The following ADGRL3 variants were observed in gnomAD, a reference collection of about 807,000 sequenced individuals.
ADGRL3 encodes adhesion G protein-coupled receptor L3, also known as calcium-independent alpha-latrotoxin receptor 3.
A neutral mutation model predicts 153.5 loss-of-function variants in ADGRL3; 62 were observed. The observed-to-expected ratio is 0.40, with a 90% CI of 0.33 to 0.50. The LOEUF is 0.50. Among genes scored for constraint, ADGRL3 ranks in the 20% least tolerant of loss-of-function variants. The pLI is 0.47. For synonymous variants in ADGRL3, 710 were observed against 672.5 expected (o/e 1.06, Z -0.86); for missense variants, 1,641 against 1,859.4 (o/e 0.88, Z 2.16).
chr4:61,892,655 G>A lies in ADGRL3; in HGVS notation c.1481-1G>A. The A allele has an allele frequency of 6.2e-7, 1 of 1,612,820 alleles. No individual in the cohort carries two copies. The highest frequency in any genetic ancestry group is 8.5e-7 in the Non-Finnish European group (1 of 1,179,006). On this transcript the variant is annotated splice_acceptor_variant, in intron 9 of 26. Coordinates refer to ENST00000683033, the MANE Select transcript of ADGRL3 (RefSeq NM_001387552.1). LOFTEE classifies it high-confidence loss of function. ...GTGTTTTCTTTCTAATTTTATTTCA[G>A]ATATCTCTACCACAGGACCTCTTGG...
intron 4 of ADGRL3, among the ~76,000 whole-genome samples, chr4:61,533,047 A>G (rs2098633333): frequency 6.6e-6 from 1 of 152,176 alleles, no homozygotes; most frequent in South Asian, 2.1e-4. Flanking sequence ...ACATTCTGAA[A>G]GCAGCCTTAA....
chr4:61,840,633 A>G (rs2098016138), intron 9 of ADGRL3, among the ~76,000 whole-genome samples: 1 of 152,104 alleles, frequency 6.6e-6, no homozygotes, highest in Admixed American at 6.6e-5. Flanking sequence ...GGGAGGTTAT[A>G]ATAAATGTAT....
intron 9 of ADGRL3, among the ~76,000 whole-genome samples, chr4:61,846,317 TA>T (rs879823030): frequency 0.012 from 1,722 of 141,998 alleles, 23 homozygotes; most frequent in African/African-American, 0.035. Flanking sequence ...ACCCTGTCTC[TA>T]AAAAAAAAAA....
In ADGRL3 at chr4:61,566,094, C is replaced by A. The variant is rs187262242; in HGVS notation, c.260-21133C>A. Among the ~76,000 whole-genome samples, 45 of 152,244 alleles carry A rather than the reference C, an allele frequency of 3.0e-4. 1 individual carries two copies. The highest frequency in any genetic ancestry group is 1.1e-3 in the African/African-American group (45 of 41,556). ...GGAGTTTATTAGTTTGCTAGAGCCA[C>A]CTTAACAAAGAACCGTAAACTGGGT... is the stretch of plus-strand genomic sequence containing the variant. On this transcript the variant is annotated intron_variant, in intron 4 of 26. Transcript: ENST00000683033.
intron 17 of ADGRL3, among the ~76,000 whole-genome samples, chr4:61,976,014 G>A (rs2099046695): frequency 1.3e-5 from 2 of 152,036 alleles, no homozygotes; most frequent in South Asian, 4.2e-4. Flanking sequence ...ACATGAGAGG[G>A]TCCAGCTCTA....
chr4:61,875,051 A>G (rs1040818521), intron 9 of ADGRL3, among the ~76,000 whole-genome samples: 1 of 147,322 alleles, frequency 6.8e-6, no homozygotes, highest in South Asian at 2.2e-4. Flanking sequence ...CTCATGATCC[A>G]CCCGCCTCGG....
intron 4 of ADGRL3, among the ~76,000 whole-genome samples, chr4:61,528,001 T>G (rs558568531): frequency 3.3e-5 from 5 of 152,228 alleles, no homozygotes; most frequent in Admixed American, 3.3e-4. Flanking sequence ...CCAGTCATCT[T>G]TTAGTTCTTG....
intron 6 of ADGRL3, among the ~76,000 whole-genome samples, chr4:61,687,487 T>C (rs929929838): frequency 2.6e-5 from 4 of 152,024 alleles, no homozygotes; most frequent in African/African-American, 9.7e-5. Context: ...AAATAAAGAT[T>C]ATTGTATATT....
chr4:61,889,904 A>G (rs181592437), intron 9 of ADGRL3, among the ~76,000 whole-genome samples: 2 of 152,330 alleles, frequency 1.3e-5, no homozygotes, highest in African/African-American at 4.8e-5. Context: ...AGAGAGTTAT[A>G]TGCTGATTAA....
rs545180797 is a variant in ADGRL3 at position 61,805,712 on chromosome 4, C to T, written c.1400-8097C>T. On this transcript the variant is annotated intron_variant, in intron 8 of 26. Coordinates refer to ENST00000683033, the MANE Select transcript of ADGRL3 (RefSeq NM_001387552.1). ...TTTACTATAATGATACAATTGCCCC[C>T]TACCTAATAATTGTATTATTTTGGA... Among the ~76,000 whole-genome samples, 2 of 152,210 alleles carry T rather than the reference C, an allele frequency of 1.3e-5. 1 individual carries two copies. The highest frequency in any genetic ancestry group is 4.1e-4 in the South Asian group (2 of 4,824).
chr4:61,577,039 T>C (rs1262855506), intron 4 of ADGRL3, among the ~76,000 whole-genome samples: 1 of 152,060 alleles, frequency 6.6e-6, no homozygotes, highest in East Asian at 1.9e-4. Context: ...GTGGAAGATT[T>C]ATGCTTCAGA....
chr4:61,217,968 CTG>C (rs1292057573), intron 1 of ADGRL3, among the ~76,000 whole-genome samples: 2 of 152,104 alleles, frequency 1.3e-5, no homozygotes, highest in East Asian at 1.9e-4. Flanking sequence ...GTTAAGGAAA[CTG>C]TGGTATTATT....
intron 4 of ADGRL3, among the ~76,000 whole-genome samples, chr4:61,563,910 A>C (rs1239942773): frequency 4.1e-4 from 62 of 152,224 alleles, no homozygotes; most frequent in East Asian, 1.2e-3. Context: ...CGAGAGGCTG[A>C]GGCAGGAGAA....
intron 3 of ADGRL3, among the ~76,000 whole-genome samples, chr4:61,501,968 C>T (rs144358268): frequency 1.6e-4 from 25 of 152,220 alleles, no homozygotes; most frequent in Admixed American, 9.2e-4. Flanking sequence ...GCCATAATAT[C>T]CTTATCTATA....
At position 61,258,209 on chromosome 4, in the gene ADGRL3, C is replaced by CGT. The variant is rs1304506908; in HGVS notation, c.-240+56444_-240+56445insGT. Reference sequence around the variant, plus strand: ...TCCAGTAATACAGGCCTCTTTCTTACAACAGCAAAGAATCCCCAAATGAGG... The same window carrying CGT: ...TCCAGTAATACAGGCCTCTTTCTTACGTAACAGCAAAGAATCCCCAAATGAGG... On this transcript the variant is annotated intron_variant, in intron 1 of 26. Transcript: ENST00000683033. Among the ~76,000 whole-genome samples the CGT allele has an allele frequency of 4.6e-5, 7 of 152,152 alleles. No homozygotes were observed. The South Asian group carries it at 1.4e-3, about 31-fold the overall frequency.
chr4:61,363,831 G>A (rs141334372), intron 1 of ADGRL3, among the ~76,000 whole-genome samples: 162 of 152,068 alleles, frequency 1.1e-3, no homozygotes, highest in African/African-American at 3.8e-3. Context: ...GTAAATTGAG[G>A]CAAAAGTACT....
intron 8 of ADGRL3, among the ~76,000 whole-genome samples, chr4:61,742,756 T>G (rs1182850797): frequency 1.3e-5 from 2 of 152,196 alleles, no homozygotes; most frequent in African/African-American, 4.8e-5. Flanking sequence ...AAATGACAGG[T>G]AAAATCTACT....
At chr4:61,354,722 G>T (rs2151385055) in intron 1 of ADGRL3, among the ~76,000 whole-genome samples, 1 of 152,120 alleles carries the variant, frequency 6.6e-6, no homozygotes, top group Non-Finnish European at 1.5e-5. Context: ...AGAGAGGCCA[G>T]GACAGTGGGT....
chr4:61,357,779 TAAAC>T (rs1353149155), intron 1 of ADGRL3, among the ~76,000 whole-genome samples: 1 of 152,132 alleles, frequency 6.6e-6, no homozygotes, highest in Non-Finnish European at 1.5e-5. Context: ...AAGAAAAACA[TAAAC>T]TGAGTATCTG....
Sources: allele counts gnomAD v4.1 joint callset (sites outside exome capture counted in the v4.1 genomes callset), GRCh38; gene constraint gnomAD v4.1.1; transcripts MANE v1.5; gene names NCBI Gene and HGNC (gene_info 2026-07-23, HGNC 2026-07-21).